SORCS2: variants seen among roughly 807,000 people sequenced by gnomAD.
SORCS2 encodes the protein VPS10 domain-containing receptor SorCS2.
In SORCS2, 100 loss-of-function variants were observed where a neutral mutation model predicts 141.6. That is an observed-to-expected ratio of 0.71 (90% CI 0.60 to 0.83). SORCS2 has a LOEUF of 0.83. Among genes scored for constraint, SORCS2 ranks in the 40% least tolerant of loss-of-function variants. SORCS2 has a pLI of 0.00. For missense variants in SORCS2, 1,646 were observed against 1,560.2 expected (o/e 1.05, Z -0.93); for synonymous variants, 789 against 676.9 (o/e 1.17, Z -2.57).
At chr4:7,222,398 G>A (rs1342375548) in intron 1 of SORCS2, among the ~76,000 whole-genome samples, 1 of 152,188 alleles carries the variant, frequency 6.6e-6, no homozygotes, top group African/African-American at 2.4e-5. Flanking sequence ...GCCACATACT[G>A]TATGGCTGCA....
intron 2 of SORCS2, among the ~76,000 whole-genome samples, chr4:7,506,341 A>C (rs1732276883): frequency 6.6e-6 from 1 of 152,154 alleles, no homozygotes; most frequent in Non-Finnish European, 1.5e-5. Flanking sequence ...TGGCATGGTT[A>C]TATTTGCTCC....
chr4:7,457,597 C>G (rs1236877774), intron 2 of SORCS2, among the ~76,000 whole-genome samples: 1 of 151,082 alleles, frequency 6.6e-6, no homozygotes, highest in Non-Finnish European at 1.5e-5. Context: ...TGGTTCACAC[C>G]AGGGAGTGTG....
intron 2 of SORCS2, among the ~76,000 whole-genome samples, chr4:7,520,178 C>G (rs998353505): frequency 6.6e-6 from 1 of 152,222 alleles, no homozygotes; most frequent in Non-Finnish European, 1.5e-5. Flanking sequence ...AAGTTCCCCG[C>G]CCAGCCACGT....
At chr4:7,298,153 C>T (rs1293631319) in intron 1 of SORCS2, among the ~76,000 whole-genome samples, 1 of 152,142 alleles carries the variant, frequency 6.6e-6, no homozygotes, top group Non-Finnish European at 1.5e-5. Context: ...AGAGCGTGGC[C>T]TTGGAGGCTG....
At chr4:7,406,129 G>T (rs771844211) in intron 2 of SORCS2, among the ~76,000 whole-genome samples, 3 of 151,934 alleles carry the variant, frequency 2.0e-5, no homozygotes, top group African/African-American at 4.8e-5. Context: ...GTGGTGTGTT[G>T]TTGGGTTCAG....
intron 3 of SORCS2, among the ~76,000 whole-genome samples, chr4:7,541,585 GGGGC>G (rs1712664901): frequency 1.3e-5 from 2 of 152,184 alleles, no homozygotes; most frequent in Admixed American, 1.3e-4. Flanking sequence ...GCCTTGCTCG[GGGGC>G]GCCCAGGCAG....
intron 1 of SORCS2, among the ~76,000 whole-genome samples, chr4:7,378,892 A>T (rs534603959): frequency 1.3e-5 from 2 of 152,260 alleles, no homozygotes; most frequent in East Asian, 3.9e-4. Flanking sequence ...TTCTTGCCCT[A>T]TTGGCCACCA....
chr4:7,676,335 G>A (rs1560475027), intron 9 of SORCS2, 106 bp downstream of exon 9: 2 of 1,236,188 alleles, frequency 1.6e-6, no homozygotes, highest in African/African-American at 1.5e-5. Context: ...CTATATAGCT[G>A]TCTCAAGGGT....
intron 3 of SORCS2, among the ~76,000 whole-genome samples, chr4:7,605,014 C>T (rs1171086642): frequency 6.6e-6 from 1 of 152,194 alleles, no homozygotes; most frequent in African/African-American, 2.4e-5. Context: ...AATCTCAAAC[C>T]AGAGTGACTT....
At chr4:7,433,078 A>C in intron 2 of SORCS2, 2 of 368,552 alleles carry the variant, frequency 5.4e-6, no homozygotes, top group Non-Finnish European at 9.5e-6. Context: ...TGGGTCAGGG[A>C]GCGGGGCACA....
intron 18 of SORCS2, 96 bp downstream of exon 18, chr4:7,718,279 T>G: frequency 7.1e-7 from 1 of 1,408,836 alleles, no homozygotes; most frequent in Non-Finnish European, 9.5e-7. Flanking sequence ...CTCCTCCACC[T>G]AGAAGTGGCT....
intron 1 of SORCS2, among the ~76,000 whole-genome samples, chr4:7,246,483 C>A (rs1713100667): frequency 6.9e-6 from 1 of 145,844 alleles, no homozygotes; most frequent in African/African-American, 2.6e-5. Flanking sequence ...CCACACGTCT[C>A]ACCTGGGGCT....
At chr4:7,639,706 T>C (rs1011124349) in intron 4 of SORCS2, among the ~76,000 whole-genome samples, 6 of 150,660 alleles carry the variant, frequency 4.0e-5, no homozygotes, top group Admixed American at 4.0e-4. Flanking sequence ...TGTGTGTGAA[T>C]GTGTGTTCAC....
chr4:7,546,687 G>A (rs774578163), intron 3 of SORCS2, among the ~76,000 whole-genome samples: 1 of 152,172 alleles, frequency 6.6e-6, no homozygotes, highest in Non-Finnish European at 1.5e-5. Context: ...GGACGCTGCC[G>A]TGGGATTCCC....
intron 3 of SORCS2, among the ~76,000 whole-genome samples, chr4:7,546,724 T>C (rs1713292608): frequency 6.6e-6 from 1 of 152,276 alleles, no homozygotes; most frequent in South Asian, 2.1e-4. Flanking sequence ...CCTGATTCCA[T>C]TTTCCAACAC....
At chr4:7,335,622 C>T (rs955829139) in intron 1 of SORCS2, among the ~76,000 whole-genome samples, 7 of 152,244 alleles carry the variant, frequency 4.6e-5, no homozygotes, top group South Asian at 4.1e-4. Flanking sequence ...TTTTCCAGGG[C>T]TGTTCACTGG....
At chr4:7,371,597 C>T (rs539479350) in intron 1 of SORCS2, among the ~76,000 whole-genome samples, 6 of 152,276 alleles carry the variant, frequency 3.9e-5, no homozygotes, top group Non-Finnish European at 8.8e-5. Flanking sequence ...CACAGAGGAG[C>T]CAGCACACTG....
Position 7,475,203 on chromosome 4 carries a change from C to T in SORCS2, c.549-56327C>T, listed in dbSNP as rs548174154. On this transcript the variant is annotated intron_variant, in intron 2 of 26. Transcript: ENST00000507866. ...GCTGGAGGTTGGGGGCATAGGGTGC[C>T]GCCGTGCCTGGGACTTGGCAGGTGG... 2.2e-3 allele frequency among the ~76,000 whole-genome samples: 339 copies of T among 152,150 alleles called. 1 individual carries two copies. Among genetic ancestry groups the T allele is most frequent in the Non-Finnish European group, 3.7e-3 (254 of 67,988 alleles).
chr4:7,346,864 A>G (rs1322466288), intron 1 of SORCS2, among the ~76,000 whole-genome samples: 1 of 152,178 alleles, frequency 6.6e-6, no homozygotes, highest in Non-Finnish European at 1.5e-5. Flanking sequence ...CTTAATGTCC[A>G]TCATAACATT....
Sources: gnomAD v4.1 joint callset for allele counts (sites outside exome capture counted in the v4.1 genomes callset) on GRCh38, gnomAD v4.1.1 for gene constraint, MANE v1.5 for transcripts, NCBI Gene and HGNC (gene_info 2026-07-23, HGNC 2026-07-21) for gene names.